ADAMTS15: variants seen among roughly 807,000 people sequenced by gnomAD.
ADAMTS15 encodes A disintegrin and metalloproteinase with thrombospondin motifs 15.
A neutral mutation model predicts 79.1 loss-of-function variants in ADAMTS15; 35 were observed. That is an observed-to-expected ratio of 0.44 (90% confidence interval 0.34 to 0.59). ADAMTS15 has a LOEUF of 0.59. Among genes scored for constraint, ADAMTS15 ranks in the 20% least tolerant of loss-of-function variants. The pLI, the probability that ADAMTS15 is intolerant of heterozygous loss-of-function variation, is 0.02. For synonymous variants in ADAMTS15, 616 were observed against 567.3 expected, an observed-to-expected ratio of 1.09 and a Z score of -1.22; for missense variants, 1,324 against 1,318.7, an observed-to-expected ratio of 1.00 and a Z score of -0.06.
Position 130,449,678 on chromosome 11 carries a change from C to G in ADAMTS15, c.705C>G (p.Gly235=). 2 of 1,602,894 alleles carry G rather than the reference C, an allele frequency of 1.2e-6. No individual in the cohort carries two copies. The highest frequency in any genetic ancestry group is 1.7e-6 in the Non-Finnish European group (2 of 1,174,886). The part of the protein sequence containing the change: ...VADESMVKFH[G]ADLEHYLLTL... ...ACGAGTCAATGGTCAAGTTCCACGGCGCGGACCTGGAACATTATCTGCTGA... is the reference window on the plus strand; with the variant it reads ...ACGAGTCAATGGTCAAGTTCCACGGGGCGGACCTGGAACATTATCTGCTGA... Residue 235 remains glycine (G), a synonymous_variant, in exon 1 of 8, where the codon GGC becomes GGG. Coordinates refer to ENST00000299164, the MANE Select transcript of ADAMTS15 (RefSeq NM_139055.4). The surrounding 1 kb of genome is among the most constrained non-coding windows in gnomAD (Gnocchi z 7.8).
chr11:130,470,135 T>TGTATATATATATATATAC (rs1938395079), intron 5 of ADAMTS15, among the ~76,000 whole-genome samples: 2 of 62,408 alleles, frequency 3.2e-5, no homozygotes, highest in Admixed American at 1.6e-4. Flanking sequence ...TATATATACA[T>TGTATATATATATATATAC]ATATATATAT....
At position 130,449,338 on chromosome 11, in the gene ADAMTS15, G is replaced by C; in HGVS notation, c.365G>C (p.Gly122Ala). The C allele has an allele frequency of 6.2e-7, 1 of 1,608,686 alleles. No homozygotes were observed. The highest frequency in any genetic ancestry group is 8.5e-7 in the Non-Finnish European group (1 of 1,180,002). Residue 122 changes from glycine (G) to alanine (A), a missense_variant, in exon 1 of 8, where the codon GGG becomes GCG. Gly to Ala is a moderately conservative substitution (Grantham distance 60). Coordinates refer to ENST00000299164, the MANE Select transcript of ADAMTS15 (RefSeq NM_139055.4). The surrounding 1 kb of genome is among the most constrained non-coding windows in gnomAD (Gnocchi z 7.8). ...DSFAAVSLCG[G>A]LRGAFGYRGA... ...TTCGCTGCTGTGAGCCTGTGCGGGG[G>C]GCTCCGCGGAGCCTTTGGCTACCGA...
intron 5 of ADAMTS15, 88 bp downstream of exon 5, chr11:130,469,527 G>GGAGTA: frequency 1.9e-6 from 2 of 1,061,398 alleles, no homozygotes; most frequent in Non-Finnish European, 2.4e-6. Flanking sequence ...TGTAATGCAT[G>GGAGTA]GCCTCCAGGT....
intron 1 of ADAMTS15, among the ~76,000 whole-genome samples, chr11:130,458,876 C>T (rs1260444091): frequency 6.6e-6 from 1 of 152,044 alleles, no homozygotes; most frequent in Non-Finnish European, 1.5e-5. Flanking sequence ...CCACACCCGT[C>T]CTACACCTAC....
Position 130,470,920 on chromosome 11 carries a change from C to T in ADAMTS15, c.1721C>T (p.Ala574Val), listed in dbSNP as rs1938437880. 1 of 1,612,612 alleles carries T rather than the reference C, an allele frequency of 6.2e-7. No homozygotes were observed. The highest frequency in any genetic ancestry group is 1.3e-5 in the African/African-American group (1 of 75,030). ...CTTTCTTATGCTTCTCCCTCCCTAG[C>T]CTCCGGAAAGAGCTTCCGGGAGGAG... ...SCNLEPCPSS[A>V]SGKSFREEQC... Residue 574 changes from alanine (A) to valine (V), a missense_variant and splice_region_variant, in exon 6 of 8, where the codon GCC becomes GTC. By Grantham distance (64) the Ala-to-Val change is moderately conservative. Transcript: ENST00000299164.
At chr11:130,471,859 G>A (rs186296660) in intron 7 of ADAMTS15, among the ~76,000 whole-genome samples, 2 of 152,314 alleles carry the variant, frequency 1.3e-5, no homozygotes, top group South Asian at 2.1e-4. Flanking sequence ...GGTTAGCATC[G>A]TAGCTTCACC....
intron 1 of ADAMTS15, among the ~76,000 whole-genome samples, chr11:130,454,786 T>C (rs1008984227): frequency 4.3e-4 from 65 of 152,300 alleles, no homozygotes; most frequent in South Asian, 3.3e-3. Context: ...GTTCACCTGA[T>C]ATTAATGTCA....
chr11:130,462,716 G>C lies in ADAMTS15; in HGVS notation c.1478G>C (p.Cys493Ser). ...RHFPWADGTS[C>S]GEGKLCLKGA... ...TTCCCCTGGGCCGATGGCACCAGCT[G>C]TGGCGAGGGCAAGCTCTGCCTCAAA... The change falls in exon 4 of 8, where the codon TGT (cysteine) becomes TCT (serine). Residue 493 changes from cysteine to serine, a missense_variant. By Grantham distance (112) the Cys-to-Ser change is moderately radical. Transcript: ENST00000299164. This position sits in a 1 kb window ranked among gnomAD's most constrained non-coding sequence, Gnocchi z 4.3. 1 of 1,611,440 alleles carries C rather than the reference G, an allele frequency of 6.2e-7. No individual in the cohort carries two copies. Among genetic ancestry groups the C allele is most frequent in the Non-Finnish European group, 8.5e-7 (1 of 1,177,814 alleles).
In ADAMTS15 at chr11:130,449,204, C is replaced by T. The variant is rs1565389360; in HGVS notation, c.231C>T (p.Pro77=). The T allele has an allele frequency of 3.1e-6, 5 of 1,614,052 alleles. No individual in the cohort carries two copies. The highest frequency in any genetic ancestry group is 4.2e-6 in the Non-Finnish European group (5 of 1,179,956). Reference sequence around the variant, plus strand: ...CGCCGGATGCTCAGTTCTTGGCTCCCGCCTTCTCCACTGAGCATCTGGGCG... The same window carrying T: ...CGCCGGATGCTCAGTTCTTGGCTCCTGCCTTCTCCACTGAGCATCTGGGCG... ...HLTPDAQFLA[P]AFSTEHLGVP... is the part of the protein sequence containing the mutation. Residue 77 remains proline, a synonymous_variant, in exon 1 of 8, where the codon CCC becomes CCT. Transcript: ENST00000299164. This position sits in a 1 kb window ranked among gnomAD's most constrained non-coding sequence, Gnocchi z 7.8.
chr11:130,452,225 G>A (rs760028953), intron 1 of ADAMTS15, among the ~76,000 whole-genome samples: 11 of 152,120 alleles, frequency 7.2e-5, no homozygotes, highest in African/African-American at 2.2e-4. Flanking sequence ...TTAACTGCCC[G>A]GAAAGGAGAA....
rs1309059013 is a variant in ADAMTS15, at chr11:130,462,688, C to T, written c.1450C>T (p.His484Tyr). The change falls in exon 4 of 8, where the codon CAC becomes TAC. Residue 484 changes from histidine (H) to tyrosine (Y), a missense_variant. Physicochemically the swap from His to Tyr is moderately conservative, Grantham distance 83 (BLOSUM62 2). Coordinates refer to ENST00000299164, the MANE Select transcript of ADAMTS15 (RefSeq NM_139055.4). The surrounding 1 kb of genome is among the most constrained non-coding windows in gnomAD (Gnocchi z 4.3). ...AKGQMVCQTR[H>Y]FPWADGTSCG... ...GGGACAGATGGTGTGCCAGACCCGC[C>T]ACTTCCCCTGGGCCGATGGCACCAG... 1 of 1,613,398 alleles carries T rather than the reference C, an allele frequency of 6.2e-7. No homozygotes were observed. Among genetic ancestry groups the T allele is most frequent in the African/African-American group, 1.3e-5 (1 of 74,940 alleles).
At chr11:130,452,851 C>T (rs1405161267) in intron 1 of ADAMTS15, among the ~76,000 whole-genome samples, 2 of 152,022 alleles carry the variant, frequency 1.3e-5, no homozygotes, top group Non-Finnish European at 1.5e-5. Flanking sequence ...CGTGGTGGCT[C>T]ACGCCTGTAG....
chr11:130,467,143 A>G (rs1300208164), intron 4 of ADAMTS15, among the ~76,000 whole-genome samples: 1 of 152,228 alleles, frequency 6.6e-6, no homozygotes, highest in African/African-American at 2.4e-5. Flanking sequence ...CAATGATACC[A>G]AATAAAAACC....
At chr11:130,457,987 A>T (rs10894203) in intron 1 of ADAMTS15, among the ~76,000 whole-genome samples, 5 of 151,824 alleles carry the variant, frequency 3.3e-5, no homozygotes, top group African/African-American at 1.2e-4. Flanking sequence ...TGTTCCTCTC[A>T]TTTGATCCAG....
At chr11:130,469,691 C>T (rs1321923903) in intron 5 of ADAMTS15, among the ~76,000 whole-genome samples, 1 of 152,158 alleles carries the variant, frequency 6.6e-6, no homozygotes, top group East Asian at 1.9e-4. Context: ...TTTCCACTCA[C>T]CTTTGGCAAG....
Position 130,462,771 on chromosome 11 carries a change from C to A in ADAMTS15, c.1533C>A (p.Asn511Lys), listed in dbSNP as rs1938230486. ...CCTGCGTGGAGAGACACAACCTCAACAAGCACAGGGTGAGTGAGTGCTGGA... is the reference window on the plus strand; with the variant it reads ...CCTGCGTGGAGAGACACAACCTCAAAAAGCACAGGGTGAGTGAGTGCTGGA... ...KGACVERHNL[N>K]KHRVDGSWAK... Residue 511 changes from asparagine (N) to lysine (K), a missense_variant, in exon 4 of 8, where the codon AAC becomes AAA. Transcript: ENST00000299164. The surrounding 1 kb of genome is among the most constrained non-coding windows in gnomAD (Gnocchi z 4.3). 6.3e-7 allele frequency: 1 copy of A among 1,591,190 alleles called. No individual in the cohort carries two copies.
rs758469919 is a variant in ADAMTS15, at chr11:130,473,737, C to G, written c.2769C>G (p.His923Gln). 1 of 1,599,638 alleles carries G rather than the reference C, an allele frequency of 6.3e-7. No individual in the cohort carries two copies. The highest frequency in any genetic ancestry group is 1.1e-5 in the South Asian group (1 of 91,076). The change falls in exon 8 of 8, where the codon CAC (histidine) becomes CAG (glutamine). Residue 923 changes from histidine (H) to glutamine (Q), a missense_variant. His to Gln is a conservative substitution (Grantham distance 24). Coordinates refer to ENST00000299164, the MANE Select transcript of ADAMTS15 (RefSeq NM_139055.4). ...FQRRSLKCVG[H>Q]GGRLLARDQC... ...GGCGCTCACTCAAGTGTGTGGGCCA[C>G]GGAGGCCGGCTGCTGGCCCGGGACC...
chr11:130,460,582 C>T (rs1344414861), intron 1 of ADAMTS15, among the ~76,000 whole-genome samples: 1 of 152,170 alleles, frequency 6.6e-6, no homozygotes, highest in Non-Finnish European at 1.5e-5. Flanking sequence ...TGGCCCAACA[C>T]ACGTCTTCTT....
Position 130,469,123 on chromosome 11 carries a change from C to G in ADAMTS15, c.1543-139C>G, listed in dbSNP as rs1003470104. The stretch of plus-strand genomic sequence containing the variant: ...ACTGGCCATTTGTTTATTGTTTTTT[C>G]CTTCATGATACAACATTAATTTCAT... On this transcript the variant is annotated intron_variant, in intron 4 of 7. Transcript: ENST00000299164. The G allele has an allele frequency of 4.6e-6, 4 of 871,474 alleles. No homozygotes were observed. In the African/African-American group the frequency reaches 6.9e-5, roughly 15 times the overall value. 54.0% of individuals were successfully genotyped at this position (871,474 alleles called of 1,614,324 possible). A position where few individuals can be genotyped will look rare whatever the true frequency, so the allele number is the denominator to read the frequency against.
Sources: allele counts gnomAD v4.1 joint callset (sites outside exome capture counted in the v4.1 genomes callset), GRCh38; gene constraint gnomAD v4.1.1; non-coding constraint Gnocchi (gnomAD v3.1); transcripts MANE v1.5; gene names NCBI Gene and HGNC (gene_info 2026-07-23, HGNC 2026-07-21).